The following CLEC12A variants were observed in gnomAD, a reference collection of about 807,000 sequenced individuals.
CLEC12A encodes the protein C-type lectin domain family 12 member A.
Under a neutral mutation model 26.5 loss-of-function variants are expected in CLEC12A, and 22 were observed. The ratio of observed to expected loss-of-function variants is 0.83; its 90% CI spans 0.59 to 1.19. The LOEUF (loss-of-function observed/expected upper bound fraction) is 1.19, where lower values mean the gene tolerates loss of function less well. Ranked by LOEUF, CLEC12A falls within the 50% of genes most tolerant of loss-of-function variation. The probability of loss-of-function intolerance (pLI) is 0.00; values close to 1 mark genes in which losing one functional copy is unlikely to be tolerated. For synonymous variants in CLEC12A, 119 were observed against 101.9 expected, an observed-to-expected ratio of 1.17 and a Z score of -1.01; for missense variants, 353 against 315.6, an observed-to-expected ratio of 1.12 and a Z score of -0.90.
chr12:9,961,914 G>A (rs369500330), intron 1 of CLEC12A, among the ~76,000 whole-genome samples: 3 of 152,282 alleles, frequency 2.0e-5, no homozygotes, highest in South Asian at 4.1e-4. Context: ...GGACACTATT[G>A]TCCTGAAGCT....
At chr12:9,960,108 CGTCTATCAA>C (rs1863806040) in intron 1 of CLEC12A, among the ~76,000 whole-genome samples, 1 of 152,160 alleles carries the variant, frequency 6.6e-6, no homozygotes, top group South Asian at 2.1e-4. Flanking sequence ...ACCACCCACT[CGTCTATCAA>C]GTTAGCCAGT....
chr12:9,989,263 A>G (rs1462641875), downstream of CLEC12A, among the ~76,000 whole-genome samples: 1 of 152,016 alleles, frequency 6.6e-6, no homozygotes, highest in Non-Finnish European at 1.5e-5. Context: ...ACCTAATGTT[A>G]AATGACGAGT....
intron 2 of CLEC12A, 116 bp downstream of exon 2, chr12:9,979,180 AG>A: frequency 5.0e-6 from 5 of 995,656 alleles, no homozygotes; most frequent in Middle Eastern, 2.2e-4. Context: ...TAGGCCCACA[AG>A]GAGGACTTAC....
downstream of CLEC12A, among the ~76,000 whole-genome samples, chr12:9,986,815 A>T (rs567265326): frequency 5.9e-5 from 9 of 152,304 alleles, no homozygotes; most frequent in African/African-American, 2.2e-4. Context: ...CATCTCCAAA[A>T]AAAATTAATT....
At chr12:9,962,514 G>A (rs1040135662) in intron 1 of CLEC12A, among the ~76,000 whole-genome samples, 1 of 152,112 alleles carries the variant, frequency 6.6e-6, no homozygotes, top group African/African-American at 2.4e-5. Flanking sequence ...CTGGGTGCAG[G>A]TGGGCTGAGT....
upstream of CLEC12A, among the ~76,000 whole-genome samples, chr12:9,970,929 C>T (rs905757372): frequency 1.3e-5 from 2 of 152,144 alleles, no homozygotes; most frequent in East Asian, 3.8e-4. Context: ...TTAGCACCAA[C>T]CTATATATTG....
At position 9,979,447 on chromosome 12, in the gene CLEC12A, A is replaced by G. The variant is rs140513604; in HGVS notation, c.302A>G (p.Asn101Ser). The change falls in exon 3 of 6, where the codon AAC becomes AGC. Residue 101 changes from asparagine to serine, a missense_variant. Physicochemically the swap from Asn to Ser is conservative, Grantham distance 46. Transcript: ENST00000304361. ...CTGATGAGTAACATGAATATCTCCA[A>G]CAAGATCAGGAACCTCTCCACCACA... ...LQLMSNMNIS[N>S]KIRNLSTTLQ... is the part of the protein sequence containing the mutation. 3.5e-5 allele frequency: 56 copies of G among 1,613,426 alleles called. No homozygotes were observed. The African/African-American group carries it at 7.1e-4, about 20-fold the overall frequency.
At chr12:9,960,824 G>C (rs1284946159) in intron 1 of CLEC12A, among the ~76,000 whole-genome samples, 1 of 152,166 alleles carries the variant, frequency 6.6e-6, no homozygotes, top group Admixed American at 6.5e-5. Flanking sequence ...ACTCATCAGA[G>C]CACCACACCC....
chr12:9,951,655 T>C, intron 1 of CLEC12A: 1 of 419,658 alleles, frequency 2.4e-6, no homozygotes. Flanking sequence ...CTCAACTGTT[T>C]CAGTTTGGAC....
At chr12:9,972,166 A>G (rs1338880222) in intron 1 of CLEC12A, among the ~76,000 whole-genome samples, 1 of 151,980 alleles carries the variant, frequency 6.6e-6, no homozygotes. Context: ...AATTTCTCCT[A>G]CTTCTTTTGG....
chr12:9,964,751 G>A (rs1042005082), intron 1 of CLEC12A, among the ~76,000 whole-genome samples: 2 of 152,200 alleles, frequency 1.3e-5, no homozygotes, highest in Admixed American at 1.3e-4. Flanking sequence ...AGGTGGGCTG[G>A]TGACTTGTAC....
At chr12:9,959,569 G>T (rs1486827490) in intron 1 of CLEC12A, among the ~76,000 whole-genome samples, 4 of 152,082 alleles carry the variant, frequency 2.6e-5, no homozygotes, top group African/African-American at 9.7e-5. Flanking sequence ...GTGTGGCCTA[G>T]AATGTTTAAT....
intron 1 of CLEC12A, chr12:9,953,215 C>G (rs543001809): frequency 6.5e-5 from 8 of 123,836 alleles, no homozygotes; most frequent in African/African-American, 2.5e-4. Context: ...CCAGCCGCCC[C>G]GTCCAGGAGG....
chr12:10,004,887 G>A, the CLEC12A span, among the ~76,000 whole-genome samples: 5 of 151,840 alleles, frequency 3.3e-5, no homozygotes, highest in African/African-American at 1.2e-4. Context: ...TTTACATTAG[G>A]TGTATCTCCT....
rs185911561 is a variant in CLEC12A, at chr12:9,972,855, T to C, written c.91+1168T>C. 5.2e-3 allele frequency among the ~76,000 whole-genome samples: 785 copies of C among 152,282 alleles called. 6 individuals carry two copies. Among genetic ancestry groups the C allele is most frequent in the African/African-American group, 0.018 (763 of 41,558 alleles). ...TTTTCTGTCTTTATTTCCTTGTTTA[T>C]ATTTCTTCTTTTATACACTGAAAGA... On this transcript the variant is annotated intron_variant, in intron 1 of 5. Coordinates refer to ENST00000304361, the MANE Select transcript of CLEC12A (RefSeq NM_138337.6).
chr12:9,984,978 G>T lies in CLEC12A; in HGVS notation c.750G>T (p.Lys250Asn). Residue 250 changes from lysine (K) to asparagine (N), a missense_variant, in exon 6 of 6, where the codon AAG (lysine) becomes AAT (asparagine). Coordinates refer to ENST00000304361, the MANE Select transcript of CLEC12A (RefSeq NM_138337.6). The part of the protein sequence containing the change: ...CTYKKRMICE[K>N]MANPVQLGST... ...ATAAAAAAAGAATGATATGTGAGAA[G>T]ATGGCCAATCCAGTGCAGCTTGGTT... 1.9e-6 allele frequency: 3 copies of T among 1,553,896 alleles called. No homozygotes were observed. In the East Asian group the frequency reaches 7.2e-5, roughly 37 times the overall value.
exon 5 of CLEC12A, chr12:9,995,096 G>C: frequency 6.2e-7 from 1 of 1,606,990 alleles, no homozygotes; most frequent in Non-Finnish European, 8.5e-7. Flanking sequence ...TCAAGAATAA[G>C]AGTTTCCAGT....
chr12:9,972,472 G>A (rs1864168002), intron 1 of CLEC12A, among the ~76,000 whole-genome samples: 1 of 152,138 alleles, frequency 6.6e-6, no homozygotes, highest in African/African-American at 2.4e-5. Flanking sequence ...CCTTTTGGGA[G>A]TGAAATCTGC....
At chr12:9,982,901 G>A (rs895482089) in intron 5 of CLEC12A, among the ~76,000 whole-genome samples, 10 of 151,918 alleles carry the variant, frequency 6.6e-5, no homozygotes, top group Admixed American at 5.2e-4. Context: ...TTAAATTTAC[G>A]TTCCTGAGTT....
Sources: gnomAD v4.1 joint callset for allele counts (sites outside exome capture counted in the v4.1 genomes callset) on GRCh38, gnomAD v4.1.1 for gene constraint, MANE v1.5 for transcripts, NCBI Gene and HGNC (gene_info 2026-07-23, HGNC 2026-07-21) for gene names.